Variants in ROBO1 observed in about 807,000 individuals in gnomAD.
The protein encoded by ROBO1 is roundabout homolog 1.
Under a neutral mutation model 195.9 loss-of-function variants are expected in ROBO1, and 149 were observed. The observed-to-expected ratio is 0.76, with a 90% CI of 0.67 to 0.87. The LOEUF (loss-of-function observed/expected upper bound fraction) is 0.87. ROBO1 is among the 40% of genes least tolerant of loss of function. The pLI is 0.00. For synonymous variants in ROBO1, 816 were observed against 733.2 expected (o/e 1.11, Z -1.82); for missense variants, 1,933 against 2,068.3 (o/e 0.93, Z 1.27).
rs1318012417 is a variant in ROBO1 at position 79,748,994 on chromosome 3, G to A, written c.-51+18758C>T. ...GCAGTGGCTTTGCAAGTTGGAAACA[G>A]GCAGAAGTTGGAATAGTTTGGAGGG... On this transcript the variant is annotated intron_variant, in intron 1 of 30. Coordinates refer to ENST00000464233, the MANE Select transcript of ROBO1 (RefSeq NM_002941.4). Among the ~76,000 whole-genome samples the A allele has an allele frequency of 3.3e-5, 5 of 152,170 alleles. No individual in the cohort carries two copies. In the East Asian group the frequency reaches 9.7e-4, roughly 29 times the overall value.
At chr3:78,642,781 ACC>A (rs1706045842) in intron 21 of ROBO1, among the ~76,000 whole-genome samples, 1 of 152,106 alleles carries the variant, frequency 6.6e-6, no homozygotes, top group Non-Finnish European at 1.5e-5. Flanking sequence ...CTCTTTGCTT[ACC>A]ACACTCTTCA....
intron 1 of ROBO1, among the ~76,000 whole-genome samples, chr3:79,750,564 G>A (rs1464724130): frequency 6.6e-6 from 1 of 152,154 alleles, no homozygotes; most frequent in Non-Finnish European, 1.5e-5. Flanking sequence ...AGTAGGAGGT[G>A]AATAAATTAT....
chr3:79,168,878 C>T (rs998139471), intron 2 of ROBO1, among the ~76,000 whole-genome samples: 1 of 152,062 alleles, frequency 6.6e-6, no homozygotes, highest in Non-Finnish European at 1.5e-5. Flanking sequence ...AATGCTAGAA[C>T]ATTGAAATAG....
intron 2 of ROBO1, among the ~76,000 whole-genome samples, chr3:79,293,439 C>T (rs560360217): frequency 1.8e-4 from 28 of 152,148 alleles, no homozygotes; most frequent in African/African-American, 6.5e-4. Flanking sequence ...TTTGTTTGGT[C>T]TTGCTTCTCT....
At chr3:78,944,557 C>G (rs1201390212) in intron 3 of ROBO1, among the ~76,000 whole-genome samples, 1 of 152,102 alleles carries the variant, frequency 6.6e-6, no homozygotes, top group East Asian at 1.9e-4. Flanking sequence ...CGAATAGGAA[C>G]AGCTCCGGTC....
In ROBO1 at chr3:79,751,864, G is replaced by A. The variant is rs184430202; in HGVS notation, c.-51+15888C>T. ...ATTTTATCCAGAAGACAGGTGCACAGTCTTACCATTAAATAGAGTTGCCAG... is the reference window on the plus strand; with the variant it reads ...ATTTTATCCAGAAGACAGGTGCACAATCTTACCATTAAATAGAGTTGCCAG... On this transcript the variant is annotated intron_variant, in intron 1 of 30. Transcript: ENST00000464233. 2.0e-5 allele frequency among the ~76,000 whole-genome samples: 3 copies of A among 152,228 alleles called. No homozygotes were observed. The East Asian group carries it at 5.8e-4, about 29-fold the overall frequency.
At chr3:79,469,577 C>T (rs2107310735) in intron 2 of ROBO1, among the ~76,000 whole-genome samples, 1 of 152,298 alleles carries the variant, frequency 6.6e-6, no homozygotes, top group East Asian at 1.9e-4. Context: ...CTCAACCCTG[C>T]CGTACAACTG....
chr3:79,546,782 T>C (rs917684378), intron 2 of ROBO1, among the ~76,000 whole-genome samples: 4 of 152,166 alleles, frequency 2.6e-5, no homozygotes, highest in East Asian at 1.9e-4. Flanking sequence ...AATAATTATG[T>C]TTATAAATAC....
chr3:78,676,250 A>G (rs1708416058), intron 10 of ROBO1, among the ~76,000 whole-genome samples: 2 of 152,166 alleles, frequency 1.3e-5, no homozygotes, highest in African/African-American at 2.4e-5. Flanking sequence ...AAAACTGGAA[A>G]CTCTAAAAAG....
At chr3:79,485,703 T>A (rs1027603614) in intron 2 of ROBO1, among the ~76,000 whole-genome samples, 1 of 152,072 alleles carries the variant, frequency 6.6e-6, no homozygotes, top group Non-Finnish European at 1.5e-5. Context: ...CACAGAGAGG[T>A]CTTGTGTTCT....
intron 3 of ROBO1, among the ~76,000 whole-genome samples, chr3:78,976,188 A>G (rs1011079027): frequency 4.6e-5 from 7 of 152,186 alleles, no homozygotes; most frequent in African/African-American, 1.2e-4. Flanking sequence ...CAAAGAATTA[A>G]GGCACAGTAC....
chr3:79,683,638 A>G (rs1401626608), intron 1 of ROBO1, among the ~76,000 whole-genome samples: 8 of 152,024 alleles, frequency 5.3e-5, no homozygotes, highest in Admixed American at 6.6e-5. Context: ...GCAATCACTA[A>G]TCTACTTTCT....
intron 4 of ROBO1, among the ~76,000 whole-genome samples, chr3:78,785,488 TCTTTTTTA>T (rs2083806816): frequency 6.6e-6 from 1 of 152,212 alleles, no homozygotes; most frequent in Admixed American, 6.5e-5. Flanking sequence ...GATGGATTTT[TCTTTTTTA>T]CTGTTTTTGT....
intron 2 of ROBO1, among the ~76,000 whole-genome samples, chr3:79,439,385 A>C (rs922848049): frequency 2.0e-5 from 3 of 152,116 alleles, no homozygotes; most frequent in Non-Finnish European, 4.4e-5. Context: ...CATAAAATTT[A>C]CATTTCCCCA....
chr3:79,560,154 T>G (rs1309571503), intron 2 of ROBO1, among the ~76,000 whole-genome samples: 1 of 151,818 alleles, frequency 6.6e-6, no homozygotes, highest in African/African-American at 2.4e-5. Flanking sequence ...TCAGGACCCA[T>G]TAGAAATACT....
At chr3:79,254,062 C>T (rs983356331) in intron 2 of ROBO1, among the ~76,000 whole-genome samples, 3 of 152,072 alleles carry the variant, frequency 2.0e-5, no homozygotes, top group Admixed American at 1.3e-4. Context: ...TCTTGAAATG[C>T]TTTCCTTAAC....
intron 11 of ROBO1, 26 bp downstream of exon 11, chr3:78,670,070 A>C (rs1301428862): frequency 6.5e-7 from 1 of 1,546,772 alleles, no homozygotes; most frequent in Non-Finnish European, 8.8e-7. Context: ...ACAAAACAAG[A>C]AACGCAAGGT....
chr3:78,787,984 G>C (rs1355922027), intron 4 of ROBO1, among the ~76,000 whole-genome samples: 1 of 131,152 alleles, frequency 7.6e-6, no homozygotes. Context: ...CTGTCTCCCA[G>C]GCTGGAGTGC....
intron 2 of ROBO1, among the ~76,000 whole-genome samples, chr3:79,389,452 A>G (rs992817952): frequency 6.6e-6 from 1 of 152,166 alleles, no homozygotes; most frequent in Non-Finnish European, 1.5e-5. Flanking sequence ...GATTCTCACT[A>G]TGGGAAAGGG....
Sources: allele counts gnomAD v4.1 joint callset (sites outside exome capture counted in the v4.1 genomes callset), GRCh38; gene constraint gnomAD v4.1.1; transcripts MANE v1.5; gene names NCBI Gene and HGNC (gene_info 2026-07-23, HGNC 2026-07-21).